The following FBN2 variants were observed in gnomAD, a reference collection of about 807,000 sequenced individuals.
FBN2 encodes fibrillin-2.
FBN2 carries 105 observed loss-of-function variants against 355.6 expected under a neutral mutation model. The observed-to-expected ratio is 0.30, with a 90% CI of 0.25 to 0.35. The LOEUF (loss-of-function observed/expected upper bound fraction) is 0.35, where lower values mean the gene tolerates loss of function less well. Ranked by LOEUF, FBN2 falls within the 10% of genes least tolerant of loss-of-function variation. FBN2 has a pLI of 1.00. For synonymous variants in FBN2, 1,350 were observed against 1,301.2 expected (o/e 1.04, Z -0.81); for missense variants, 3,280 against 3,758.7 (o/e 0.87, Z 3.33).
intron 13 of FBN2, 52 bp downstream of exon 13, chr5:128,377,700 A>T (rs1454674274): frequency 5.6e-6 from 9 of 1,593,572 alleles, no homozygotes; most frequent in Non-Finnish European, 7.7e-6. Context: ...GTTCTAAATA[A>T]AAATGTATAT....
intron 56 of FBN2, 63 bp downstream of exon 56, chr5:128,280,129 T>C: frequency 7.3e-7 from 1 of 1,378,040 alleles, no homozygotes; most frequent in Non-Finnish European, 1.0e-6. Context: ...GGAGCTCTTC[T>C]GTGATGACAT....
intron 6 of FBN2, among the ~76,000 whole-genome samples, chr5:128,454,456 G>T (rs1408857017): frequency 2.6e-5 from 4 of 152,310 alleles, no homozygotes; most frequent in African/African-American, 9.6e-5. Flanking sequence ...CAGCCAAGAT[G>T]AATTTGTTTT....
chr5:128,449,981 C>A (rs1754194585), intron 6 of FBN2, among the ~76,000 whole-genome samples: 1 of 152,030 alleles, frequency 6.6e-6, no homozygotes, highest in South Asian at 2.1e-4. Context: ...ATCAAGAAGA[C>A]ATGATAATGC....
At chr5:128,371,622 C>T (rs1751947458) in intron 15 of FBN2, among the ~76,000 whole-genome samples, 1 of 151,842 alleles carries the variant, frequency 6.6e-6, no homozygotes, top group South Asian at 2.1e-4. Flanking sequence ...CAACCTCCAG[C>T]TCCTGGGTTC....
chr5:128,380,087 G>A (rs1172068466), intron 11 of FBN2, among the ~76,000 whole-genome samples: 2 of 151,896 alleles, frequency 1.3e-5, no homozygotes, highest in African/African-American at 4.8e-5. Context: ...AAGAATAACA[G>A]GACTAAATCC....
chr5:128,308,172 A>G (rs1749934631), intron 41 of FBN2, among the ~76,000 whole-genome samples: 1 of 152,138 alleles, frequency 6.6e-6, no homozygotes, highest in Non-Finnish European at 1.5e-5. Context: ...CACAATAAGT[A>G]TCTTAAGAGT....
intron 5 of FBN2, among the ~76,000 whole-genome samples, chr5:128,487,183 C>T (rs4836375): frequency 0.29 from 43,517 of 152,058 alleles, 6,465 homozygotes; most frequent in African/African-American, 0.31. Context: ...AGTCACCATC[C>T]GGCTCTTTGC....
chr5:128,364,792 C>G, intron 17 of FBN2, 67 bp from the exon 18 acceptor site: 1 of 1,331,494 alleles, frequency 7.5e-7, no homozygotes, highest in Non-Finnish European at 1.1e-6. Context: ...AAATGCAGGT[C>G]TAGTAAAGAC....
At chr5:128,445,034 T>C (rs1754030482) in intron 7 of FBN2, among the ~76,000 whole-genome samples, 1 of 152,228 alleles carries the variant, frequency 6.6e-6, no homozygotes, top group African/African-American at 2.4e-5. Flanking sequence ...CCAGAATTTC[T>C]GCAGATCCCT....
At chr5:128,291,321 A>T (rs985680034) in intron 49 of FBN2, among the ~76,000 whole-genome samples, 3 of 152,250 alleles carry the variant, frequency 2.0e-5, no homozygotes, top group African/African-American at 7.2e-5. Flanking sequence ...TAGTAAAAAA[A>T]TTTATAAAAA....
intron 6 of FBN2, among the ~76,000 whole-genome samples, chr5:128,448,881 A>C (rs1163566316): frequency 6.6e-6 from 1 of 152,118 alleles, no homozygotes; most frequent in Non-Finnish European, 1.5e-5. Flanking sequence ...TTAGACATTG[A>C]AATTATCATC....
intron 48 of FBN2, among the ~76,000 whole-genome samples, chr5:128,299,417 C>A (rs1222393176): frequency 7.1e-6 from 1 of 141,462 alleles, no homozygotes; most frequent in South Asian, 2.4e-4. Context: ...CAATGGTGGG[C>A]GCCCCTCCCC....
At chr5:128,268,918 T>C (rs1431063225) in intron 62 of FBN2, among the ~76,000 whole-genome samples, 2 of 152,186 alleles carry the variant, frequency 1.3e-5, no homozygotes, top group Non-Finnish European at 2.9e-5. Flanking sequence ...GTCAATATCA[T>C]ATTGAATGGG....
rs1754484592 is a variant in FBN2 at position 128,459,029 on chromosome 5, A to C, written c.826+5695T>G. ...AATCCAAGAGCTGGTGTTTTGAAAA[A>C]AATTAATGAAACTGATAGACTGCTA... On this transcript the variant is annotated intron_variant, in intron 6 of 64. Coordinates refer to ENST00000262464, the MANE Select transcript of FBN2 (RefSeq NM_001999.4). Among the ~76,000 whole-genome samples the C allele has an allele frequency of 2.0e-5, 3 of 152,084 alleles. No homozygotes were observed. In the South Asian group the frequency reaches 6.2e-4, roughly 31 times the overall value.
At chr5:128,394,748 G>C (rs1006992009) in intron 9 of FBN2, among the ~76,000 whole-genome samples, 13 of 151,970 alleles carry the variant, frequency 8.6e-5, no homozygotes, top group African/African-American at 3.1e-4. Flanking sequence ...ACACACAAAG[G>C]AAAACAAATA....
At chr5:128,484,546 T>C (rs960431419) in intron 5 of FBN2, among the ~76,000 whole-genome samples, 2 of 152,196 alleles carry the variant, frequency 1.3e-5, no homozygotes, top group African/African-American at 4.8e-5. Flanking sequence ...TTGGTAAGTA[T>C]GTGAAAAGAT....
At chr5:128,514,713 G>A (rs1490088272) in intron 5 of FBN2, among the ~76,000 whole-genome samples, 5 of 152,096 alleles carry the variant, frequency 3.3e-5, no homozygotes, top group African/African-American at 1.2e-4. Flanking sequence ...TTATTACAAC[G>A]TGCAGTGTAC....
chr5:128,534,106 A>G (rs1342066959), intron 2 of FBN2, among the ~76,000 whole-genome samples: 2 of 152,186 alleles, frequency 1.3e-5, no homozygotes, highest in African/African-American at 4.8e-5. Flanking sequence ...TTCTATATTA[A>G]AAGAATGCTG....
rs1443629023 is a variant in FBN2, at chr5:128,376,752, G to A, written c.1951C>T (p.Pro651Ser). The change falls in exon 14 of 65, where the codon CCA becomes TCA. Residue 651 changes from proline (P) to serine (S), a missense_variant. Transcript: ENST00000262464. ...ATACCAGTACAGTAACGCCCATTTG[G>A]AGCCAAGACAAATCCTGGTTTGCAG... is the stretch of plus-strand genomic sequence containing the variant. ...CICKPGFVLA[P>S]NGRYCTDVDE... 3.1e-6 allele frequency: 5 copies of A among 1,613,598 alleles called. No individual in the cohort carries two copies. In the African/African-American group the frequency reaches 5.3e-5, roughly 17 times the overall value.
Sources: allele counts gnomAD v4.1 joint callset (sites outside exome capture counted in the v4.1 genomes callset), GRCh38; gene constraint gnomAD v4.1.1; transcripts MANE v1.5; gene names NCBI Gene and HGNC (gene_info 2026-07-23, HGNC 2026-07-21).